SH3BP4: variants seen among roughly 807,000 people sequenced by gnomAD.
The protein encoded by SH3BP4 is SH3 domain-binding protein 4.
Under a neutral mutation model 65.5 loss-of-function variants are expected in SH3BP4, and 33 were observed. The ratio of observed to expected loss-of-function variants is 0.50; its 90% CI spans 0.38 to 0.67. SH3BP4 has a LOEUF of 0.67. SH3BP4 is among the 30% of genes least tolerant of loss of function. SH3BP4 has a pLI of 0.00. For synonymous variants in SH3BP4, 552 were observed against 545.5 expected (o/e 1.01, Z -0.17); for missense variants, 1,134 against 1,261.4 (o/e 0.90, Z 1.53).
chr2:235,024,650 A>G (rs76797541), intron 2 of SH3BP4, among the ~76,000 whole-genome samples: 4,212 of 152,234 alleles, frequency 0.028, 78 homozygotes, highest in Non-Finnish European at 0.045. Flanking sequence ...TCTCATCTGT[A>G]AGATGTATGT....
intron 2 of SH3BP4, among the ~76,000 whole-genome samples, chr2:235,013,714 C>A (rs1038349054): frequency 6.6e-6 from 1 of 152,172 alleles, no homozygotes; most frequent in Non-Finnish European, 1.5e-5. Flanking sequence ...CCTCTCCCCC[C>A]ATTTTCTAAT....
rs530677787 is a variant in SH3BP4 at position 235,046,683 on chromosome 2, A to G, written c.2478+3436A>G. On this transcript the variant is annotated intron_variant, in intron 4 of 5. Coordinates refer to ENST00000392011, the MANE Select transcript of SH3BP4 (RefSeq NM_014521.3). This position sits in a 1 kb window ranked among gnomAD's most constrained non-coding sequence, Gnocchi z 4.2. ...CCCATGAGAGGAAGGGCCCCGGCAC[A>G]TAAGAATCACTGAGGTACTAGATGG... 3.9e-5 allele frequency among the ~76,000 whole-genome samples: 6 copies of G among 152,236 alleles called. 1 individual carries two copies. In the South Asian group the frequency reaches 8.3e-4, roughly 21 times the overall value.
At chr2:235,036,181 G>A (rs561390179) in intron 3 of SH3BP4, among the ~76,000 whole-genome samples, 1 of 152,220 alleles carries the variant, frequency 6.6e-6, no homozygotes, top group African/African-American at 2.4e-5. Context: ...TCTTCTCCCT[G>A]CCTCTGATTG....
At chr2:234,963,915 C>G (rs1254341075) in intron 1 of SH3BP4, among the ~76,000 whole-genome samples, 1 of 152,190 alleles carries the variant, frequency 6.6e-6, no homozygotes, top group Non-Finnish European at 1.5e-5. Context: ...GAGAGTTTGT[C>G]ATGGCTCCTG....
At chr2:235,036,740 A>AAAAAAAAAAAAAAAT (rs146049108) in intron 3 of SH3BP4, among the ~76,000 whole-genome samples, 2 of 141,768 alleles carry the variant, frequency 1.4e-5, no homozygotes, top group African/African-American at 2.7e-5. Flanking sequence ...TCTATATAAA[A>AAAAAAAAAAAAAAAT]AATAATAATA....
In SH3BP4 at chr2:235,053,779, C is replaced by T; in HGVS notation, c.2855C>T (p.Ala952Val). ...VNSLDVLRAA[A>V]FSPADQDDFV... Reference sequence around the variant, plus strand: ...TCCCTGGACGTTCTGAGAGCAGCCGCCTTCAGCCCTGCGGACCAGGACGAC... The same window carrying T: ...TCCCTGGACGTTCTGAGAGCAGCCGTCTTCAGCCCTGCGGACCAGGACGAC... Residue 952 changes from alanine (A) to valine (V), a missense_variant, in exon 6 of 6, where the codon GCC becomes GTC. Transcript: ENST00000392011. 1 of 1,614,222 alleles carries T rather than the reference C, an allele frequency of 6.2e-7. No individual in the cohort carries two copies. The highest frequency in any genetic ancestry group is 8.5e-7 in the Non-Finnish European group (1 of 1,180,044).
At position 235,014,158 on chromosome 2, in the gene SH3BP4, G is replaced by A. The variant is rs541223532; in HGVS notation, c.-133+18782G>A. 5.9e-5 allele frequency among the ~76,000 whole-genome samples: 9 copies of A among 152,232 alleles called. No homozygotes were observed. In the South Asian group the frequency reaches 8.3e-4, roughly 14 times the overall value. ...CATAGCAGGATTTTATAAATTGCAC[G>A]GTGGATATAGAGGTGTAATTACCCG... On this transcript the variant is annotated intron_variant, in intron 2 of 5. Coordinates refer to ENST00000392011, the MANE Select transcript of SH3BP4 (RefSeq NM_014521.3).
chr2:235,017,303 C>A (rs1486294418), intron 2 of SH3BP4, among the ~76,000 whole-genome samples: 1 of 151,600 alleles, frequency 6.6e-6, no homozygotes, highest in Non-Finnish European at 1.5e-5. Context: ...AAAAATTAGC[C>A]AAGTGTGGTG....
At position 235,041,678 on chromosome 2, in the gene SH3BP4, T is replaced by C. The variant is rs757915579; in HGVS notation, c.909T>C (p.Leu303=). 1.6e-5 allele frequency: 26 copies of C among 1,613,350 alleles called. No homozygotes were observed. Among genetic ancestry groups the C allele is most frequent in the Non-Finnish European group, 2.2e-5 (26 of 1,179,690 alleles). The change falls in exon 4 of 6, where the codon CTT becomes CTC. Residue 303 remains leucine, a synonymous_variant. Transcript: ENST00000392011. This position sits in a 1 kb window ranked among gnomAD's most constrained non-coding sequence, Gnocchi z 6.0. ...GGTCTTGCCACGACCTGGACTTGCT[T>C]GGCCAAAGCCCTGGTTGGGGCCAGA... ...LARSCHDLDL[L]GQSPGWGQTQ...
chr2:235,029,451 C>T (rs1695108049), intron 2 of SH3BP4, among the ~76,000 whole-genome samples: 1 of 152,172 alleles, frequency 6.6e-6, no homozygotes, highest in African/African-American at 2.4e-5. Flanking sequence ...GGAATGCAGC[C>T]ATGTCCACCT....
At chr2:234,984,578 G>C (rs1693489307) in intron 1 of SH3BP4, among the ~76,000 whole-genome samples, 1 of 152,084 alleles carries the variant, frequency 6.6e-6, no homozygotes, top group South Asian at 2.1e-4. Flanking sequence ...CTTATTAACA[G>C]AAGAAAATAT....
rs149696268 is a variant in SH3BP4, at chr2:235,035,541, C to A, written c.118+421C>A. On this transcript the variant is annotated intron_variant, in intron 3 of 5. Coordinates refer to ENST00000392011, the MANE Select transcript of SH3BP4 (RefSeq NM_014521.3). The surrounding 1 kb of genome is among the most constrained non-coding windows in gnomAD (Gnocchi z 5.0). Reference sequence around the variant, plus strand: ...GGGAAATATTTGAAGCTTTGCAGGCCGTATACCATCTCTGTCACAACTATT... The same window carrying A: ...GGGAAATATTTGAAGCTTTGCAGGCAGTATACCATCTCTGTCACAACTATT... 6.6e-6 allele frequency among the ~76,000 whole-genome samples: 1 copy of A among 152,178 alleles called. No homozygotes were observed. Among genetic ancestry groups the A allele is most frequent in the African/African-American group, 2.4e-5 (1 of 41,436 alleles).
At chr2:234,961,779 C>T (rs1039195992) in intron 1 of SH3BP4, among the ~76,000 whole-genome samples, 1 of 150,402 alleles carries the variant, frequency 6.6e-6, no homozygotes, top group African/African-American at 2.4e-5. Context: ...TAGGTGTGGA[C>T]CAGGGGCTCG....
rs1372887419 is a variant in SH3BP4 at position 235,040,235 on chromosome 2, A to G, written c.119-653A>G. Among the ~76,000 whole-genome samples, 4 of 113,470 alleles carry G rather than the reference A, an allele frequency of 3.5e-5. No individual in the cohort carries two copies. The Admixed American group carries it at 4.8e-4, about 14-fold the overall frequency. 74.4% of individuals were successfully genotyped at this position (113,470 alleles called of 152,430 possible). On this transcript the variant is annotated intron_variant, in intron 3 of 5. Coordinates refer to ENST00000392011, the MANE Select transcript of SH3BP4 (RefSeq NM_014521.3). ...GGGTGGCGGAGTGAGACACTGTCTC[A>G]TAAATAAATAAATAAATAAGTAAAA...
chr2:235,045,360 C>T lies in SH3BP4; in HGVS notation c.2478+2113C>T, dbSNP rs937440627. Among the ~76,000 whole-genome samples, 5 of 152,184 alleles carry T rather than the reference C, an allele frequency of 3.3e-5. No individual in the cohort carries two copies. The highest frequency in any genetic ancestry group is 9.6e-5 in the African/African-American group (4 of 41,460). ...CCGCCGAGTAGGTGGCTTTTACACT[C>T]ATTTTCCTGCTTTTTTATCTTTTTC... On this transcript the variant is annotated intron_variant, in intron 4 of 5. Transcript: ENST00000392011. This position sits in a 1 kb window ranked among gnomAD's most constrained non-coding sequence, Gnocchi z 4.3.
chr2:235,019,956 A>G (rs1553564516), intron 2 of SH3BP4, among the ~76,000 whole-genome samples: 1 of 151,908 alleles, frequency 6.6e-6, no homozygotes, highest in South Asian at 2.1e-4. Flanking sequence ...TGTAAATGAT[A>G]TTTGAATTGA....
intron 2 of SH3BP4, among the ~76,000 whole-genome samples, chr2:235,001,076 G>T (rs1025342815): frequency 3.3e-5 from 5 of 152,256 alleles, no homozygotes; most frequent in African/African-American, 4.8e-5. Context: ...TCTGCCTCCA[G>T]TTTTTGAGAA....
rs369861950 is a variant in SH3BP4, at chr2:235,041,711, C to T, written c.942C>T (p.Ala314=). The T allele has an allele frequency of 2.7e-5, 43 of 1,612,046 alleles. 1 individual carries two copies. In the South Asian group the frequency reaches 3.1e-4, roughly 12 times the overall value. ...GCCCTGGTTGGGGCCAGACCCAAGC[C>T]GTGGAGACAAACATCGTGTGCAAGC... ...GQSPGWGQTQ[A]VETNIVCKLD... Residue 314 remains alanine (A), a synonymous_variant, in exon 4 of 6, where the codon GCC becomes GCT. Coordinates refer to ENST00000392011, the MANE Select transcript of SH3BP4 (RefSeq NM_014521.3). This position sits in a 1 kb window ranked among gnomAD's most constrained non-coding sequence, Gnocchi z 6.0.
Position 234,967,455 on chromosome 2 carries a change from C to T in SH3BP4, c.-207+15285C>T, listed in dbSNP as rs1692870050. On this transcript the variant is annotated intron_variant, in intron 1 of 5. Transcript: ENST00000392011. This position sits in a 1 kb window ranked among gnomAD's most constrained non-coding sequence, Gnocchi z 4.6. ...AGAGGGTGTGGAGCTGCGGTCTCACCACTACACCCTGACACGTGGGCTCTC... is the reference window on the plus strand; with the variant it reads ...AGAGGGTGTGGAGCTGCGGTCTCACTACTACACCCTGACACGTGGGCTCTC... 6.6e-6 allele frequency among the ~76,000 whole-genome samples: 1 copy of T among 152,118 alleles called. No individual in the cohort carries two copies. Among genetic ancestry groups the T allele is most frequent in the African/African-American group, 2.4e-5 (1 of 41,408 alleles).
Sources: allele counts gnomAD v4.1 joint callset (sites outside exome capture counted in the v4.1 genomes callset), GRCh38; gene constraint gnomAD v4.1.1; non-coding constraint Gnocchi (gnomAD v3.1); transcripts MANE v1.5; gene names NCBI Gene and HGNC (gene_info 2026-07-23, HGNC 2026-07-21).